Variants in SNCAIP observed in about 807,000 individuals in gnomAD.
SNCAIP encodes the protein synphilin-1.
SNCAIP carries 43 observed loss-of-function variants against 86.7 expected under a neutral mutation model. That is an observed-to-expected ratio of 0.50 (90% CI 0.39 to 0.64). The LOEUF (loss-of-function observed/expected upper bound fraction) is 0.64, where lower values mean the gene tolerates loss of function less well. Among genes scored for constraint, SNCAIP ranks in the 30% least tolerant of loss-of-function variants. The probability of loss-of-function intolerance (pLI) is 0.00; values close to 1 mark genes in which losing one functional copy is unlikely to be tolerated. For synonymous variants in SNCAIP, 417 were observed against 427.2 expected (o/e 0.98, Z 0.29); for missense variants, 981 against 1,103.1 (o/e 0.89, Z 1.57).
At chr5:122,429,318 A>G (rs1353649772) in intron 5 of SNCAIP, among the ~76,000 whole-genome samples, 1 of 151,646 alleles carries the variant, frequency 6.6e-6, no homozygotes, top group African/African-American at 2.4e-5. Flanking sequence ...AGCAAGCAGA[A>G]GGAAGGAAAT....
At chr5:122,372,602 C>T (rs961386962) in intron 1 of SNCAIP, among the ~76,000 whole-genome samples, 1 of 152,148 alleles carries the variant, frequency 6.6e-6, no homozygotes, top group African/African-American at 2.4e-5. Flanking sequence ...ATCTCAATGC[C>T]ATCTTTCTCT....
At chr5:122,332,781 G>T (rs1177142217) in intron 1 of SNCAIP, among the ~76,000 whole-genome samples, 1 of 152,206 alleles carries the variant, frequency 6.6e-6, no homozygotes, top group East Asian at 1.9e-4. Context: ...GGGAGAGCAG[G>T]CAGCAGTTGT....
intron 1 of SNCAIP, among the ~76,000 whole-genome samples, chr5:122,387,268 C>G (rs1447671232): frequency 6.6e-6 from 1 of 152,112 alleles, no homozygotes; most frequent in East Asian, 1.9e-4. Context: ...AAGTGATTCT[C>G]CTGCCTCAGC....
intron 1 of SNCAIP, among the ~76,000 whole-genome samples, chr5:122,342,697 G>C (rs1757826305): frequency 6.6e-6 from 1 of 152,154 alleles, no homozygotes; most frequent in Non-Finnish European, 1.5e-5. Context: ...GCCCGAGTCT[G>C]GCTCCAAAGC....
rs1487355577 is a variant in SNCAIP, at chr5:122,346,618, T to C, written c.-47+34334T>C. On this transcript the variant is annotated intron_variant, in intron 1 of 10. Transcript: ENST00000261368. ...GTTAGATCCTGTCTATTGCAAAGAATAGATTTGTAGACTAATAGAATTTTA... is the reference window on the plus strand; with the variant it reads ...GTTAGATCCTGTCTATTGCAAAGAACAGATTTGTAGACTAATAGAATTTTA... Among the ~76,000 whole-genome samples, 3 of 152,088 alleles carry C rather than the reference T, an allele frequency of 2.0e-5. No homozygotes were observed. In the South Asian group the frequency reaches 6.2e-4, roughly 32 times the overall value.
At chr5:122,386,453 A>T (rs1768144393) in intron 1 of SNCAIP, among the ~76,000 whole-genome samples, 1 of 152,222 alleles carries the variant, frequency 6.6e-6, no homozygotes, top group Non-Finnish European at 1.5e-5. Flanking sequence ...ACACTTTAAT[A>T]GGCACTGGAG....
chr5:122,411,381 G>T (rs1774081703), intron 3 of SNCAIP, among the ~76,000 whole-genome samples: 1 of 152,152 alleles, frequency 6.6e-6, no homozygotes, highest in African/African-American at 2.4e-5. Context: ...AAAGGCAAAA[G>T]TATGAGTGTG....
At chr5:122,364,558 T>C (rs1762790844) in intron 1 of SNCAIP, among the ~76,000 whole-genome samples, 1 of 152,268 alleles carries the variant, frequency 6.6e-6, no homozygotes, top group African/African-American at 2.4e-5. Flanking sequence ...ATATGTGTTA[T>C]TTGTACCACC....
chr5:122,353,926 G>A lies in SNCAIP; in HGVS notation c.-46-37163G>A, dbSNP rs1440810305. ...ACCACAGGTTTAACCAAATCACCAC[G>A]TTAGGGCTGAAGAAAGGCGAGCTCC... On this transcript the variant is annotated intron_variant, in intron 1 of 10. Transcript: ENST00000261368. 1.1e-4 allele frequency among the ~76,000 whole-genome samples: 16 copies of A among 152,166 alleles called. 1 individual carries two copies. Among genetic ancestry groups the A allele is most frequent in the Admixed American group, 8.5e-4 (13 of 15,262 alleles).
intron 7 of SNCAIP, chr5:122,441,079 C>T (rs1780783537): frequency 1.5e-5 from 4 of 272,748 alleles, no homozygotes; most frequent in African/African-American, 6.6e-5. Flanking sequence ...AAACCACTAC[C>T]AGGCAGACAT....
chr5:122,411,035 G>A (rs1487310976), intron 3 of SNCAIP, among the ~76,000 whole-genome samples: 2 of 152,108 alleles, frequency 1.3e-5, no homozygotes, highest in African/African-American at 2.4e-5. Context: ...AAACTTACGG[G>A]TAAAAACTCA....
intron 1 of SNCAIP, among the ~76,000 whole-genome samples, chr5:122,317,138 A>C (rs1051556159): frequency 6.6e-6 from 1 of 152,176 alleles, no homozygotes; most frequent in Non-Finnish European, 1.5e-5. Context: ...GTAGACTTAA[A>C]TGTTTTAAGG....
chr5:122,350,185 G>A (rs990758723), intron 1 of SNCAIP, among the ~76,000 whole-genome samples: 9 of 152,202 alleles, frequency 5.9e-5, no homozygotes, highest in African/African-American at 1.7e-4. Context: ...CATGGTAATC[G>A]CTGAATTCGA....
chr5:122,371,061 C>T (rs1764170185), intron 1 of SNCAIP, among the ~76,000 whole-genome samples: 1 of 152,080 alleles, frequency 6.6e-6, no homozygotes, highest in South Asian at 2.1e-4. Context: ...TGCCTATAAT[C>T]TTTGTGCCTT....
intron 10 of SNCAIP, 103 bp downstream of exon 10, chr5:122,451,704 GA>G (rs11397630): frequency 0.022 from 14,068 of 641,896 alleles, no homozygotes; most frequent in Middle Eastern, 0.031. Context: ...GAATCCCCAG[GA>G]AAAAAAAAAA....
At chr5:122,450,186 T>C (rs755284524) in intron 9 of SNCAIP, among the ~76,000 whole-genome samples, 2 of 152,228 alleles carry the variant, frequency 1.3e-5, no homozygotes, top group South Asian at 2.1e-4. Context: ...TTTGTAAGAA[T>C]TGAATCTTTC....
intron 1 of SNCAIP, among the ~76,000 whole-genome samples, chr5:122,316,681 A>G (rs1751802046): frequency 1.3e-5 from 2 of 152,184 alleles, no homozygotes; most frequent in Middle Eastern, 3.4e-3. Context: ...CCTCATCCAG[A>G]CTCCTTCATT....
At chr5:122,320,084 C>T (rs1296395202) in intron 1 of SNCAIP, among the ~76,000 whole-genome samples, 1 of 152,228 alleles carries the variant, frequency 6.6e-6, no homozygotes. Context: ...TAAGTGGCTG[C>T]TTCTGCCACA....
chr5:122,441,580 T>C (rs1780934840), intron 7 of SNCAIP, among the ~76,000 whole-genome samples: 1 of 152,060 alleles, frequency 6.6e-6, no homozygotes, highest in African/African-American at 2.4e-5. Flanking sequence ...TGACATCTCA[T>C]CCCTCAGTTG....
Sources: allele counts gnomAD v4.1 joint callset (sites outside exome capture counted in the v4.1 genomes callset), GRCh38; gene constraint gnomAD v4.1.1; transcripts MANE v1.5; gene names NCBI Gene and HGNC (gene_info 2026-07-23, HGNC 2026-07-21).